Variants in CDYL observed in about 807,000 individuals in gnomAD.
CDYL encodes the protein chromodomain Y like.
Under a neutral mutation model 47.3 loss-of-function variants are expected in CDYL, and 8 were observed. The ratio of observed to expected loss-of-function variants is 0.17; its 90% confidence interval spans 0.10 to 0.31. CDYL has a LOEUF of 0.31. Ranked by LOEUF, CDYL falls within the 10% of genes least tolerant of loss-of-function variation. The probability of loss-of-function intolerance (pLI) is 1.00; values close to 1 mark genes in which losing one functional copy is unlikely to be tolerated. For missense variants in CDYL, 471 were observed against 701.4 expected, an observed-to-expected ratio of 0.67 and a Z score of 3.71; for synonymous variants, 266 against 265.0, an observed-to-expected ratio of 1.00 and a Z score of -0.04.
chr6:4,810,105 T>C (rs1759483730), intron 1 of CDYL, among the ~76,000 whole-genome samples: 1 of 152,124 alleles, frequency 6.6e-6, no homozygotes, highest in African/African-American at 2.4e-5. Context: ...CTTTTGACTT[T>C]GATCTTGGTG....
At chr6:4,786,398 G>GTA (rs111342530) in intron 1 of CDYL, among the ~76,000 whole-genome samples, 6,760 of 152,190 alleles carry the variant, frequency 0.044, 379 homozygotes, top group African/African-American at 0.13. Context: ...CTGTGTGTGT[G>GTA]TACTCTGGCT....
Position 4,869,008 on chromosome 6 carries a change from T to C in CDYL, c.25-22705T>C, listed in dbSNP as rs115252233. Among the ~76,000 whole-genome samples the C allele has an allele frequency of 1.8e-3, 276 of 152,304 alleles. 1 individual carries two copies. Among genetic ancestry groups the C allele is most frequent in the African/African-American group, 6.5e-3 (270 of 41,576 alleles). ...CATATTTTTTCCTATCCTTTTACTT[T>C]TTACCAAGTTCTGTCTTAGAATCTA... On this transcript the variant is annotated intron_variant, in intron 1 of 6. Transcript: ENST00000397588.
At chr6:4,761,888 A>G (rs1758180472) in intron 3 of CDYL, among the ~76,000 whole-genome samples, 1 of 152,200 alleles carries the variant, frequency 6.6e-6, no homozygotes, top group Non-Finnish European at 1.5e-5. Context: ...AAGGACAACT[A>G]AGAAAGCTGG....
chr6:4,724,512 G>A (rs1463696988), intron 2 of CDYL: 1 of 152,564 alleles, frequency 6.6e-6, no homozygotes, highest in Admixed American at 6.5e-5. Flanking sequence ...GACTTCAAAT[G>A]TGATGCCGCA....
chr6:4,918,379 CT>C (rs111353674), intron 2 of CDYL, among the ~76,000 whole-genome samples: 12,284 of 150,658 alleles, frequency 0.082, 565 homozygotes, highest in East Asian at 0.13. Context: ...GCCCCCCCCC[CT>C]TTTTTTTGGC....
At chr6:4,829,733 C>G (rs11968053) in intron 1 of CDYL, among the ~76,000 whole-genome samples, 4,038 of 152,172 alleles carry the variant, frequency 0.027, 183 homozygotes, top group African/African-American at 0.092. Context: ...GGCTTAAGGG[C>G]CCAAGTTCAG....
intron 1 of CDYL, among the ~76,000 whole-genome samples, chr6:4,863,571 G>A (rs374633722): frequency 6.6e-6 from 1 of 152,212 alleles, no homozygotes; most frequent in Admixed American, 6.5e-5. Context: ...AGAGATCCTT[G>A]CTTTGATGCA....
At chr6:4,760,914 C>T (rs1758165375) in intron 3 of CDYL, among the ~76,000 whole-genome samples, 1 of 151,968 alleles carries the variant, frequency 6.6e-6, no homozygotes, top group African/African-American at 2.4e-5. Context: ...ATCCCAACCC[C>T]CGTAGATAAA....
chr6:4,801,385 A>G (rs1013420394), intron 1 of CDYL, among the ~76,000 whole-genome samples: 19 of 152,216 alleles, frequency 1.2e-4, no homozygotes, highest in African/African-American at 4.6e-4. Flanking sequence ...TCTGTTGACT[A>G]TCATTTTACC....
At chr6:4,798,585 T>C (rs1759140132) in intron 1 of CDYL, among the ~76,000 whole-genome samples, 1 of 152,228 alleles carries the variant, frequency 6.6e-6, no homozygotes, top group Admixed American at 6.5e-5. Flanking sequence ...AACATATCTT[T>C]TAATAAATGT....
chr6:4,722,356 C>A (rs538461576), intron 2 of CDYL, among the ~76,000 whole-genome samples: 1 of 151,362 alleles, frequency 6.6e-6, no homozygotes, highest in Non-Finnish European at 1.5e-5. Flanking sequence ...GTAAAGAGTT[C>A]GAGACCAGCC....
chr6:4,783,276 T>G (rs1175608376), intron 1 of CDYL, among the ~76,000 whole-genome samples: 3 of 151,820 alleles, frequency 2.0e-5, no homozygotes, highest in African/African-American at 7.2e-5. Flanking sequence ...TATTATTATC[T>G]GGACATGTCT....
At chr6:4,839,983 C>A (rs1760440300) in intron 1 of CDYL, among the ~76,000 whole-genome samples, 1 of 152,014 alleles carries the variant, frequency 6.6e-6, no homozygotes, top group South Asian at 2.1e-4. Context: ...ATGGGAATTG[C>A]ATTGAATTTG....
chr6:4,823,020 G>A lies in CDYL; in HGVS notation c.24+46213G>A, dbSNP rs558893976. On this transcript the variant is annotated intron_variant, in intron 1 of 6. Coordinates refer to ENST00000397588, the MANE Select transcript of CDYL (RefSeq NM_004824.4). ...GACGTAGACATGGCTGTGCATTGTCGTAAGAAGTCGACACCACCTATCTCT... is the reference window on the plus strand; with the variant it reads ...GACGTAGACATGGCTGTGCATTGTCATAAGAAGTCGACACCACCTATCTCT... Among the ~76,000 whole-genome samples, 4 of 152,252 alleles carry A rather than the reference G, an allele frequency of 2.6e-5. No individual in the cohort carries two copies. In the South Asian group the frequency reaches 6.2e-4, roughly 24 times the overall value.
chr6:4,737,649 C>G (rs935210461), intron 3 of CDYL, among the ~76,000 whole-genome samples: 1 of 151,936 alleles, frequency 6.6e-6, no homozygotes, highest in Non-Finnish European at 1.5e-5. Flanking sequence ...GCCTCAGCCT[C>G]CCAAGTAGGG....
intron 1 of CDYL, among the ~76,000 whole-genome samples, chr6:4,805,077 A>G (rs770861062): frequency 2.0e-5 from 3 of 152,244 alleles, no homozygotes; most frequent in African/African-American, 2.4e-5. Flanking sequence ...CCCAGAAAAC[A>G]GACTAGATGG....
chr6:4,913,936 C>T (rs540967186), intron 2 of CDYL, among the ~76,000 whole-genome samples: 8 of 152,366 alleles, frequency 5.3e-5, no homozygotes, highest in African/African-American at 1.9e-4. Context: ...TTACCTGTCT[C>T]CTCCTAACCT....
chr6:4,840,754 T>C (rs898396254), intron 1 of CDYL, among the ~76,000 whole-genome samples: 4 of 152,238 alleles, frequency 2.6e-5, no homozygotes, highest in African/African-American at 9.6e-5. Context: ...CACTTGATCA[T>C]GGTGGGTTAT....
chr6:4,725,127 C>T lies in CDYL; in HGVS notation c.103+9246C>T, dbSNP rs374155504. Among the ~76,000 whole-genome samples, 7 of 152,300 alleles carry T rather than the reference C, an allele frequency of 4.6e-5. No individual in the cohort carries two copies. In the East Asian group the frequency reaches 1.2e-3, roughly 25 times the overall value. Reference sequence around the variant, plus strand: ...GCATTCACAAACCCTGAGCTAGACACAGGGTTTGTGTCTAGCTGATTGGTG... The same window carrying T: ...GCATTCACAAACCCTGAGCTAGACATAGGGTTTGTGTCTAGCTGATTGGTG... On this transcript the variant is annotated intron_variant, in intron 2 of 8. Transcript: ENST00000328908.
Sources: allele counts gnomAD v4.1 joint callset (sites outside exome capture counted in the v4.1 genomes callset), GRCh38; gene constraint gnomAD v4.1.1; transcripts MANE v1.5; gene names NCBI Gene and HGNC (gene_info 2026-07-23, HGNC 2026-07-21).